The following IMMP2L variants were observed in gnomAD, a reference collection of about 807,000 sequenced individuals.
The protein encoded by IMMP2L is inner mitochondrial membrane peptidase subunit 2, also known as mitochondrial inner membrane protease subunit 2.
IMMP2L carries 18 observed loss-of-function variants against 19.3 expected under a neutral mutation model. The observed-to-expected ratio is 0.93, with a 90% confidence interval of 0.64 to 1.38. The LOEUF is 1.38. IMMP2L is among the 40% of genes most tolerant of loss of function. The pLI is 0.00. For missense variants in IMMP2L, 233 were observed against 218.2 expected, an observed-to-expected ratio of 1.07 and a Z score of -0.43; for synonymous variants, 76 against 73.0, an observed-to-expected ratio of 1.04 and a Z score of -0.21.
At chr7:111,265,080 A>G (rs1817691186) in intron 3 of IMMP2L, among the ~76,000 whole-genome samples, 1 of 152,184 alleles carries the variant, frequency 6.6e-6, no homozygotes, top group Non-Finnish European at 1.5e-5. Context: ...GCTGTGGGAT[A>G]ATTTAGTACT....
intron 5 of IMMP2L, among the ~76,000 whole-genome samples, chr7:110,813,997 AT>A (rs1046281481): frequency 6.6e-6 from 1 of 151,962 alleles, no homozygotes; most frequent in South Asian, 2.1e-4. Context: ...AACACAGGCT[AT>A]TTTTTTAACG....
intron 2 of IMMP2L, among the ~76,000 whole-genome samples, chr7:111,512,138 A>T (rs528952356): frequency 1.3e-5 from 2 of 152,216 alleles, no homozygotes; most frequent in African/African-American, 2.4e-5. Context: ...AACATTTATC[A>T]TCTGGTGAGT....
At position 110,942,626 on chromosome 7, in the gene IMMP2L, T is replaced by C. The variant is rs549633493; in HGVS notation, c.305+20874A>G. Among the ~76,000 whole-genome samples the C allele has an allele frequency of 5.3e-5, 8 of 151,900 alleles. No homozygotes were observed. The East Asian group carries it at 1.6e-3, about 29-fold the overall frequency. The stretch of plus-strand genomic sequence containing the variant: ...AACAGACAAACACTGACAGTTTAGC[T>C]CATCAGTTCCAGGTATGGGTAGACT... On this transcript the variant is annotated intron_variant, in intron 4 of 5. Transcript: ENST00000405709.
At chr7:110,667,818 A>G (rs1791568040) in intron 5 of IMMP2L, among the ~76,000 whole-genome samples, 1 of 152,200 alleles carries the variant, frequency 6.6e-6, no homozygotes, top group South Asian at 2.1e-4. Flanking sequence ...ATGGGAATTT[A>G]TTAGATCAGC....
chr7:111,209,611 A>G (rs1370037924), intron 3 of IMMP2L, among the ~76,000 whole-genome samples: 1 of 152,140 alleles, frequency 6.6e-6, no homozygotes, highest in Non-Finnish European at 1.5e-5. Flanking sequence ...CTTTATCAGA[A>G]TAAGATGCCC....
At chr7:111,434,712 C>T (rs1395279508) in intron 3 of IMMP2L, among the ~76,000 whole-genome samples, 2 of 151,602 alleles carry the variant, frequency 1.3e-5, no homozygotes, top group Admixed American at 1.3e-4. Flanking sequence ...TTCCACCATG[C>T]CCAGCTAATT....
At chr7:111,047,197 G>T (rs13224636) in intron 3 of IMMP2L, among the ~76,000 whole-genome samples, 21 of 137,824 alleles carry the variant, frequency 1.5e-4, no homozygotes, top group South Asian at 4.6e-4. Context: ...TTTTTTTTTT[G>T]TTTTTTTTGA....
chr7:111,001,860 T>C (rs1004425246), intron 3 of IMMP2L, among the ~76,000 whole-genome samples: 2 of 152,112 alleles, frequency 1.3e-5, no homozygotes, highest in African/African-American at 2.4e-5. Context: ...ACTGCAATGT[T>C]TGTGAGATGG....
chr7:111,396,388 T>A (rs1832865745), intron 3 of IMMP2L, among the ~76,000 whole-genome samples: 1 of 152,082 alleles, frequency 6.6e-6, no homozygotes, highest in African/African-American at 2.4e-5. Flanking sequence ...GCCATCATTC[T>A]CAGCAAACCA....
intron 3 of IMMP2L, among the ~76,000 whole-genome samples, chr7:111,097,882 T>C (rs1797570701): frequency 6.6e-6 from 1 of 151,876 alleles, no homozygotes; most frequent in Non-Finnish European, 1.5e-5. Context: ...ACACAGATTA[T>C]ATTTTGATTT....
At chr7:110,917,706 G>A (rs753856208) in intron 4 of IMMP2L, among the ~76,000 whole-genome samples, 18 of 152,124 alleles carry the variant, frequency 1.2e-4, no homozygotes, top group Admixed American at 8.5e-4. Flanking sequence ...CAAGGTGGAC[G>A]GGTCTCTTCT....
intron 3 of IMMP2L, among the ~76,000 whole-genome samples, chr7:111,432,979 C>T (rs772974640): frequency 5.3e-5 from 8 of 150,194 alleles, no homozygotes; most frequent in Admixed American, 1.3e-4. Context: ...AAAAAAAACA[C>T]ACCTGGGAAT....
intron 3 of IMMP2L, among the ~76,000 whole-genome samples, chr7:111,120,878 T>C (rs767482141): frequency 6.6e-6 from 1 of 152,168 alleles, no homozygotes; most frequent in African/African-American, 2.4e-5. Context: ...CTAACTCATT[T>C]GGTTGTAAGT....
intron 3 of IMMP2L, among the ~76,000 whole-genome samples, chr7:111,417,710 C>T (rs1254231684): frequency 4.0e-5 from 6 of 151,832 alleles, no homozygotes; most frequent in African/African-American, 1.5e-4. Flanking sequence ...AATAAGGAGA[C>T]ATGAAATAGA....
chr7:110,906,875 G>A (rs1392167268), intron 4 of IMMP2L, among the ~76,000 whole-genome samples: 1 of 152,004 alleles, frequency 6.6e-6, no homozygotes, highest in African/African-American at 2.4e-5. Flanking sequence ...GCCAGATATC[G>A]CCCTGACCCC....
At chr7:111,067,935 G>A (rs928995652) in intron 3 of IMMP2L, among the ~76,000 whole-genome samples, 1 of 152,108 alleles carries the variant, frequency 6.6e-6, no homozygotes, top group Non-Finnish European at 1.5e-5. Context: ...AAGGATGTGG[G>A]GAGAAGTATG....
intron 4 of IMMP2L, among the ~76,000 whole-genome samples, chr7:110,914,789 A>AT (rs34939181): frequency 1.3e-5 from 2 of 151,856 alleles, no homozygotes; most frequent in Non-Finnish European, 2.9e-5. Context: ...AAATATGTGC[A>AT]TTTTTTTTAT....
intron 3 of IMMP2L, among the ~76,000 whole-genome samples, chr7:111,160,271 A>G (rs1264793343): frequency 6.6e-6 from 1 of 152,094 alleles, no homozygotes; most frequent in Non-Finnish European, 1.5e-5. Flanking sequence ...AAATATTATA[A>G]CGCTATAATA....
intron 3 of IMMP2L, among the ~76,000 whole-genome samples, chr7:111,068,633 T>C (rs1372166443): frequency 1.3e-5 from 2 of 152,330 alleles, no homozygotes; most frequent in East Asian, 1.9e-4. Context: ...CAAGTACTTA[T>C]TGTTTTTATT....
Sources: gnomAD v4.1 joint callset for allele counts (sites outside exome capture counted in the v4.1 genomes callset) on GRCh38, gnomAD v4.1.1 for gene constraint, MANE v1.5 for transcripts, NCBI Gene and HGNC (gene_info 2026-07-23, HGNC 2026-07-21) for gene names.